The following ZNF385D variants were observed in gnomAD, a reference collection of about 807,000 sequenced individuals.
The protein encoded by ZNF385D is zinc finger protein 385D, also known as zinc finger protein 659.
In ZNF385D, 15 loss-of-function variants were observed where a neutral mutation model predicts 35.8. The ratio of observed to expected loss-of-function variants is 0.42; its 90% CI spans 0.28 to 0.64. ZNF385D has a LOEUF of 0.64. Among genes scored for constraint, ZNF385D ranks in the 30% least tolerant of loss-of-function variants. The pLI is 0.23. For missense variants in ZNF385D, 474 were observed against 494.6 expected (o/e 0.96, Z 0.39); for synonymous variants, 212 against 186.8 (o/e 1.13, Z -1.10).
intron 3 of ZNF385D, among the ~76,000 whole-genome samples, chr3:22,160,464 A>G (rs930661689): frequency 1.3e-5 from 2 of 152,128 alleles, no homozygotes; most frequent in African/African-American, 4.8e-5. Context: ...AAATCTATGA[A>G]GCTATTTTAT....
At chr3:22,044,464 A>C (rs1698862039) in intron 3 of ZNF385D, among the ~76,000 whole-genome samples, 1 of 152,142 alleles carries the variant, frequency 6.6e-6, no homozygotes, top group Non-Finnish European at 1.5e-5. Flanking sequence ...AACAAACATA[A>C]AAATTTTTAA....
intron 2 of ZNF385D, among the ~76,000 whole-genome samples, chr3:21,583,694 T>C (rs960140975): frequency 2.2e-4 from 34 of 151,902 alleles, no homozygotes; most frequent in African/African-American, 6.0e-4. Context: ...TTTAAAAGTT[T>C]TTATTCATTT....
At chr3:22,286,495 G>C (rs1702031293) in intron 2 of ZNF385D, among the ~76,000 whole-genome samples, 1 of 151,930 alleles carries the variant, frequency 6.6e-6, no homozygotes, top group Non-Finnish European at 1.5e-5. Context: ...ATGTTAGATT[G>C]CTCATTTGAG....
intron 2 of ZNF385D, among the ~76,000 whole-genome samples, chr3:22,248,865 T>C (rs1010784094): frequency 6.6e-6 from 1 of 152,132 alleles, no homozygotes; most frequent in African/African-American, 2.4e-5. Flanking sequence ...GATGAGGTAA[T>C]ATAAATTCAT....
chr3:22,110,523 C>T (rs919336942), intron 3 of ZNF385D, among the ~76,000 whole-genome samples: 4 of 151,844 alleles, frequency 2.6e-5, no homozygotes, highest in African/African-American at 9.7e-5. Context: ...TCATTCTCAG[C>T]AAACTATCAC....
At chr3:22,368,992 T>C (rs9872825) in intron 2 of ZNF385D, among the ~76,000 whole-genome samples, 146,227 of 152,286 alleles carry the variant, frequency 0.96, 70,267 homozygotes, top group East Asian at 1. Context: ...TCTACAGAAG[T>C]TGATCTCAGC....
chr3:21,523,505 A>G (rs1708041642), intron 3 of ZNF385D, among the ~76,000 whole-genome samples: 1 of 152,224 alleles, frequency 6.6e-6, no homozygotes, highest in Non-Finnish European at 1.5e-5. Flanking sequence ...TAAATGGATT[A>G]AATAATATTA....
chr3:21,756,229 T>G (rs990968284), intron 3 of ZNF385D, among the ~76,000 whole-genome samples: 4 of 152,042 alleles, frequency 2.6e-5, no homozygotes, highest in African/African-American at 9.7e-5. Context: ...GTAGAAAAAG[T>G]GGTCAGATTC....
intron 2 of ZNF385D, among the ~76,000 whole-genome samples, chr3:21,577,398 C>T (rs2063524963): frequency 6.6e-6 from 1 of 152,114 alleles, no homozygotes; most frequent in African/African-American, 2.4e-5. Context: ...TTTTCTTTAT[C>T]CATTCATCCA....
chr3:21,732,413 T>C (rs1420512693), intron 1 of ZNF385D, among the ~76,000 whole-genome samples: 1 of 152,130 alleles, frequency 6.6e-6, no homozygotes, highest in Non-Finnish European at 1.5e-5. Context: ...CCAAGAAAGA[T>C]GATTCCTGGA....
At chr3:21,647,967 T>A (rs1371002820) in intron 2 of ZNF385D, among the ~76,000 whole-genome samples, 1 of 152,226 alleles carries the variant, frequency 6.6e-6, no homozygotes, top group Admixed American at 6.5e-5. Context: ...GCAGTTTTTC[T>A]TATAAAGACT....
At chr3:22,308,668 C>T (rs1308430171) in intron 2 of ZNF385D, among the ~76,000 whole-genome samples, 1 of 151,962 alleles carries the variant, frequency 6.6e-6, no homozygotes, top group African/African-American at 2.4e-5. Context: ...TTATTGATAT[C>T]AGAATTTACT....
chr3:21,908,309 A>G (rs2125909437), intron 3 of ZNF385D, among the ~76,000 whole-genome samples: 1 of 152,218 alleles, frequency 6.6e-6, no homozygotes, highest in East Asian at 1.9e-4. Context: ...GCAAAGCTGC[A>G]TGGGAAATAG....
chr3:21,738,932 C>T (rs1434160908), intron 1 of ZNF385D, among the ~76,000 whole-genome samples: 1 of 152,218 alleles, frequency 6.6e-6, no homozygotes, highest in Non-Finnish European at 1.5e-5. Context: ...GCAGTTTGGG[C>T]TGAGTAACCT....
At chr3:22,128,187 A>C (rs1316790384) in intron 3 of ZNF385D, among the ~76,000 whole-genome samples, 1 of 152,168 alleles carries the variant, frequency 6.6e-6, no homozygotes, top group African/African-American at 2.4e-5. Context: ...TTCCATCAGC[A>C]CTTTAAGTAT....
At chr3:22,131,565 G>A (rs1703789761) in intron 3 of ZNF385D, among the ~76,000 whole-genome samples, 2 of 152,050 alleles carry the variant, frequency 1.3e-5, no homozygotes, top group African/African-American at 4.8e-5. Context: ...GAGAATGGAA[G>A]GAACTGTTAC....
intron 2 of ZNF385D, among the ~76,000 whole-genome samples, chr3:22,339,233 A>G (rs1695314136): frequency 6.6e-6 from 1 of 152,210 alleles, no homozygotes; most frequent in South Asian, 2.1e-4. Flanking sequence ...ATAATATAAA[A>G]GCTTGCCACC....
chr3:21,877,071 G>T (rs1042421062), intron 3 of ZNF385D, among the ~76,000 whole-genome samples: 2 of 152,066 alleles, frequency 1.3e-5, no homozygotes, highest in Admixed American at 1.3e-4. Flanking sequence ...CTAGAGGGTT[G>T]TAACTACCAT....
At chr3:21,472,395 A>G (rs76300044) in intron 4 of ZNF385D, among the ~76,000 whole-genome samples, 22,969 of 152,078 alleles carry the variant, frequency 0.15, 2,151 homozygotes, top group Middle Eastern at 0.28. Flanking sequence ...TTAGTAGGGT[A>G]TCCCTAAATA....
Sources: gnomAD v4.1 joint callset for allele counts (sites outside exome capture counted in the v4.1 genomes callset) on GRCh38, gnomAD v4.1.1 for gene constraint, MANE v1.5 for transcripts, NCBI Gene and HGNC (gene_info 2026-07-23, HGNC 2026-07-21) for gene names.